MS4A10: variants seen among roughly 807,000 people sequenced by gnomAD.
MS4A10 encodes the protein membrane-spanning 4-domains subfamily A member 10.
MS4A10 carries 27 observed loss-of-function variants against 27.7 expected under a neutral mutation model. The observed-to-expected ratio is 0.98, with a 90% CI of 0.72 to 1.35. The LOEUF (loss-of-function observed/expected upper bound fraction) is 1.35, where lower values mean the gene tolerates loss of function less well. MS4A10 is among the 40% of genes most tolerant of loss of function. MS4A10 has a pLI of 0.00. For synonymous variants in MS4A10, 139 were observed against 131.2 expected (o/e 1.06, Z -0.41); for missense variants, 338 against 324.7 (o/e 1.04, Z -0.32).
Position 60,796,560 on chromosome 11 carries a change from A to G in MS4A10, c.603+895A>G, listed in dbSNP as rs548229292. ...CATGGCCTCCCAAAGTGCTGGGATT[A>G]CAGGCATCAGCCATCATGCCCAGCC... is the stretch of plus-strand genomic sequence containing the variant. On this transcript the variant is annotated intron_variant, in intron 6 of 7. Coordinates refer to ENST00000308287, the MANE Select transcript of MS4A10 (RefSeq NM_206893.4). 5.0e-4 allele frequency among the ~76,000 whole-genome samples: 76 copies of G among 152,334 alleles called. 1 individual carries two copies.
intron 5 of MS4A10, among the ~76,000 whole-genome samples, chr11:60,794,538 G>A (rs1237646483): frequency 1.3e-5 from 2 of 152,198 alleles, no homozygotes; most frequent in South Asian, 2.1e-4. Context: ...GAGTGAACAC[G>A]GAGGTCCAGA....
Position 60,790,849 on chromosome 11 carries a change from G to A in MS4A10, c.184-125G>A, listed in dbSNP as rs648490. On this transcript the variant is annotated intron_variant, in intron 2 of 7. Transcript: ENST00000308287. Reference sequence around the variant, plus strand: ...GGGAGTGGTCCTTCTTAGAGAGCCTGGTCTCTGGGATCCCTAAGAGGACAG... The same window carrying A: ...GGGAGTGGTCCTTCTTAGAGAGCCTAGTCTCTGGGATCCCTAAGAGGACAG... 4,830 of 1,365,896 alleles carry A rather than the reference G, an allele frequency of 3.5e-3. 114 individuals carry two copies. In the African/African-American group the frequency reaches 0.06, roughly 17 times the overall value. 84.6% of individuals were successfully genotyped at this position (1,365,896 alleles called of 1,614,324 possible). A position where few individuals can be genotyped will look rare whatever the true frequency, so the allele number is the denominator to read the frequency against.
chr11:60,796,802 A>G (rs1189149352), intron 6 of MS4A10, among the ~76,000 whole-genome samples: 2 of 152,144 alleles, frequency 1.3e-5, no homozygotes, highest in African/African-American at 4.8e-5. Context: ...GCTCACCCCA[A>G]AGATCCTGAA....
intron 6 of MS4A10, among the ~76,000 whole-genome samples, chr11:60,797,976 C>T (rs1366710597): frequency 6.6e-6 from 1 of 152,256 alleles, no homozygotes; most frequent in Non-Finnish European, 1.5e-5. Flanking sequence ...TTGGTGCCAC[C>T]CTCATCACTA....
chr11:60,790,842 A>G, intron 2 of MS4A10, 132 bp from the exon 3 acceptor site: 1 of 1,329,864 alleles, frequency 7.5e-7, no homozygotes, highest in Middle Eastern at 2.0e-4. Flanking sequence ...TCCTTCTTAG[A>G]GAGCCTGGTC....
At chr11:60,789,785 A>G (rs1854395024) in intron 1 of MS4A10, among the ~76,000 whole-genome samples, 1 of 152,344 alleles carries the variant, frequency 6.6e-6, no homozygotes, top group East Asian at 1.9e-4. Context: ...AAATGTTAGC[A>G]TCGTTAAATA....
chr11:60,799,780 G>C, intron 7 of MS4A10, 48 bp from the exon 8 acceptor site: 2 of 859,964 alleles, frequency 2.3e-6, no homozygotes, highest in Non-Finnish European at 3.9e-6. Context: ...TCCTCCCATC[G>C]ATCTGTGACC....
chr11:60,793,718 TC>T (rs1245337917), intron 4 of MS4A10, among the ~76,000 whole-genome samples: 1 of 152,218 alleles, frequency 6.6e-6, no homozygotes, highest in Non-Finnish European at 1.5e-5. Flanking sequence ...TGAAGGCAGC[TC>T]TTGGGTTCTC....
intron 2 of MS4A10, 59 bp from the exon 3 acceptor site, chr11:60,790,915 C>G (rs900104014): frequency 5.6e-6 from 9 of 1,602,884 alleles, no homozygotes; most frequent in Non-Finnish European, 7.7e-6. Context: ...GCACTAGTGG[C>G]CTCAATTAGA....
intron 5 of MS4A10, 150 bp downstream of exon 5, chr11:60,794,253 A>C: frequency 1.2e-6 from 1 of 857,958 alleles, no homozygotes; most frequent in South Asian, 1.7e-5. Flanking sequence ...TGTCCCCTAC[A>C]AGGTGTGGTG....
At chr11:60,793,235 G>A (rs890734924) in intron 4 of MS4A10, among the ~76,000 whole-genome samples, 2 of 152,220 alleles carry the variant, frequency 1.3e-5, no homozygotes, top group African/African-American at 4.8e-5. Context: ...AGCAGAGGCA[G>A]GAGATGCTTG....
chr11:60,794,164 C>A, intron 5 of MS4A10, 61 bp downstream of exon 5: 1 of 1,599,814 alleles, frequency 6.3e-7, no homozygotes, highest in Non-Finnish European at 8.5e-7. Context: ...TGGATTTGGC[C>A]AACAGGAGGT....
intron 1 of MS4A10, 65 bp from the exon 2 acceptor site, chr11:60,790,249 G>C (rs1254291975): frequency 1.4e-6 from 2 of 1,389,368 alleles, no homozygotes; most frequent in Non-Finnish European, 2.0e-6. Flanking sequence ...GATTGGCAGA[G>C]GCTCACCCAG....
At chr11:60,786,479 C>A (rs936780343) in intron 1 of MS4A10, among the ~76,000 whole-genome samples, 4 of 152,098 alleles carry the variant, frequency 2.6e-5, no homozygotes, top group Non-Finnish European at 5.9e-5. Flanking sequence ...GGCCCCAGAG[C>A]TCTCACGGCC....
intron 5 of MS4A10, among the ~76,000 whole-genome samples, chr11:60,794,762 G>A (rs977887083): frequency 3.3e-5 from 5 of 151,968 alleles, no homozygotes; most frequent in Admixed American, 6.5e-5. Context: ...TGTAACCTCC[G>A]CCTCCCAGAT....
intron 2 of MS4A10, 74 bp downstream of exon 2, chr11:60,790,592 C>G (rs375624667): frequency 8.5e-6 from 13 of 1,529,548 alleles, no homozygotes; most frequent in East Asian, 6.8e-5. Context: ...TGCTGGGGGG[C>G]CCCAAGGGAA....
intron 3 of MS4A10, among the ~76,000 whole-genome samples, chr11:60,791,987 T>C (rs1187861574): frequency 2.0e-5 from 3 of 151,828 alleles, no homozygotes; most frequent in Non-Finnish European, 4.4e-5. Context: ...AGCAGGAGGG[T>C]CTAGGAGGGA....
rs1854442686 is a variant in MS4A10, at chr11:60,792,209, TG to T, written c.304-55del. ...GAGAATAGGGGTGGGGGTGGGAATT[TG>T]TGGGTTTTGAGGAACCCCAGCTTCT... On this transcript the variant is annotated intron_variant, in intron 3 of 7. Coordinates refer to ENST00000308287, the MANE Select transcript of MS4A10 (RefSeq NM_206893.4). 21 of 1,398,100 alleles carry T rather than the reference TG, an allele frequency of 1.5e-5. No homozygotes were observed. The Admixed American group carries it at 3.5e-4, about 23-fold the overall frequency. The allele number at this position is 1,398,100 out of a possible 1,614,324, so 86.6% of individuals were successfully genotyped here. A position where few individuals can be genotyped will look rare whatever the true frequency, so the allele number is the denominator to read the frequency against.
chr11:60,785,515 C>T (rs769867398), intron 1 of MS4A10, 94 bp downstream of exon 1: 2 of 152,212 alleles, frequency 1.3e-5, no homozygotes, highest in East Asian at 1.9e-4. Context: ...CCTGGTCCCC[C>T]CTTGAAGCCA....
Sources: gnomAD v4.1 joint callset for allele counts (sites outside exome capture counted in the v4.1 genomes callset) on GRCh38, gnomAD v4.1.1 for gene constraint, MANE v1.5 for transcripts, NCBI Gene and HGNC (gene_info 2026-07-23, HGNC 2026-07-21) for gene names.